The following ADARB1 variants were observed in gnomAD, a reference collection of about 807,000 sequenced individuals.
ADARB1 encodes the protein double-stranded RNA-specific editase 1.
Under a neutral mutation model 52.4 loss-of-function variants are expected in ADARB1, and 10 were observed. The ratio of observed to expected loss-of-function variants is 0.19; its 90% CI spans 0.12 to 0.32. The LOEUF (loss-of-function observed/expected upper bound fraction) is 0.32, where lower values mean the gene tolerates loss of function less well. Among genes scored for constraint, ADARB1 ranks in the 10% least tolerant of loss-of-function variants. The pLI, the probability that ADARB1 is intolerant of heterozygous loss-of-function variation, is 1.00. For missense variants in ADARB1, 643 were observed against 922.3 expected (o/e 0.70, Z 3.92); for synonymous variants, 349 against 371.1 (o/e 0.94, Z 0.68).
intron 1 of ADARB1, among the ~76,000 whole-genome samples, chr21:45,120,028 A>G (rs2088071289): frequency 6.6e-6 from 1 of 152,232 alleles, no homozygotes; most frequent in African/African-American, 2.4e-5. Context: ...CCTTCTTGAT[A>G]CTGAACTAGA....
chr21:45,183,172 T>C (rs193088643), intron 6 of ADARB1, among the ~76,000 whole-genome samples, 190 bp from the exon 7 acceptor site: 2 of 152,228 alleles, frequency 1.3e-5, no homozygotes, highest in Non-Finnish European at 2.9e-5. Context: ...AAGGAAAGGT[T>C]ACTCACATCC....
intron 1 of ADARB1, among the ~76,000 whole-genome samples, chr21:45,109,312 G>C (rs112071551): frequency 3.9e-5 from 6 of 152,222 alleles, no homozygotes; most frequent in African/African-American, 1.4e-4. Context: ...GTGCACGTGT[G>C]TGCGCGCGTG....
Position 45,142,442 on chromosome 21 carries a change from A to G in ADARB1, c.-48+13869A>G, listed in dbSNP as rs2089780854. ...GTTTGAAACCATTCTCATTCAGAAA[A>G]CAGAAATGTGTTTATGTAAAGAAAT... On this transcript the variant is annotated intron_variant, in intron 2 of 10. Transcript: ENST00000348831. This position sits in a 1 kb window ranked among gnomAD's most constrained non-coding sequence, Gnocchi z 4.0. 6.6e-6 allele frequency among the ~76,000 whole-genome samples: 1 copy of G among 152,384 alleles called. No homozygotes were observed. The highest frequency in any genetic ancestry group is 2.4e-5 in the African/African-American group (1 of 41,594).
chr21:45,132,418 G>A (rs2089005320), intron 2 of ADARB1: 1 of 152,200 alleles, frequency 6.6e-6, no homozygotes, highest in Non-Finnish European at 1.5e-5. Flanking sequence ...CTTCTACCCT[G>A]GAACTAGGAA....
At chr21:45,150,575 G>T (rs1438124259) in intron 2 of ADARB1, among the ~76,000 whole-genome samples, 1 of 152,172 alleles carries the variant, frequency 6.6e-6, no homozygotes, top group Non-Finnish European at 1.5e-5. Context: ...ACATCTGTCT[G>T]ATTGCTGACA....
intron 2 of ADARB1, among the ~76,000 whole-genome samples, chr21:45,153,214 C>T (rs1469973308): frequency 6.6e-6 from 1 of 152,274 alleles, no homozygotes; most frequent in East Asian, 1.9e-4. Context: ...TTTAATTCAA[C>T]TTAATGTTTT....
At chr21:45,207,011 A>G (rs1555922483) in intron 9 of ADARB1, among the ~76,000 whole-genome samples, 1 of 152,228 alleles carries the variant, frequency 6.6e-6, no homozygotes. Context: ...CCCCTGCGTC[A>G]GCTCTGCCTC....
At chr21:45,183,619 T>C (rs1219621228) in intron 7 of ADARB1, 109 bp downstream of exon 7, 21 of 1,263,914 alleles carry the variant, frequency 1.7e-5, no homozygotes, top group Middle Eastern at 3.8e-4. Flanking sequence ...TTTTTAGACT[T>C]GGATGTGGAT....
intron 2 of ADARB1, among the ~76,000 whole-genome samples, chr21:45,151,274 T>C (rs1368578472): frequency 6.6e-6 from 1 of 152,194 alleles, no homozygotes; most frequent in Non-Finnish European, 1.5e-5. Flanking sequence ...AAGAATTCAC[T>C]ATGCTTACGC....
At chr21:45,212,805 T>C (rs2092793694) in intron 9 of ADARB1, among the ~76,000 whole-genome samples, 2 of 152,104 alleles carry the variant, frequency 1.3e-5, no homozygotes, top group South Asian at 4.1e-4. Context: ...ATGAGGAAAA[T>C]AACACAAAAG....
At chr21:45,135,285 G>A (rs1051512764) in intron 2 of ADARB1, among the ~76,000 whole-genome samples, 3 of 152,180 alleles carry the variant, frequency 2.0e-5, no homozygotes, top group African/African-American at 4.8e-5. Context: ...AGAGCCCTCC[G>A]CCCTGTTCCT....
chr21:45,152,766 A>G, intron 2 of ADARB1: 1 of 248,658 alleles, frequency 4.0e-6, no homozygotes, highest in Non-Finnish European at 9.0e-6. Context: ...TGCAATACAG[A>G]AGTGTTTTCT....
chr21:45,179,762 G>A (rs966466265), intron 4 of ADARB1, among the ~76,000 whole-genome samples: 14 of 128,542 alleles, frequency 1.1e-4, no homozygotes, highest in Non-Finnish European at 1.9e-4. Context: ...TCTCGGTGGC[G>A]CCTTTGAGGG....
chr21:45,224,442 G>A lies in ADARB1; in HGVS notation c.*2245G>A. 2.0e-6 allele frequency: 2 copies of A among 986,322 alleles called. No individual in the cohort carries two copies. The highest frequency in any genetic ancestry group is 2.4e-6 in the Non-Finnish European group (2 of 830,840). 61.1% of individuals were successfully genotyped at this position (986,322 alleles called of 1,614,324 possible). A position where few individuals can be genotyped will look rare whatever the true frequency, so the allele number is the denominator to read the frequency against. ...ACAGGCACAGGGCACCCTATCCCAA[G>A]CCGTCCAGGCAGGAGGAAGGCAGCC... On this transcript the variant is annotated 3_prime_UTR_variant, in exon 11 of 11. Coordinates refer to ENST00000348831, the MANE Select transcript of ADARB1 (RefSeq NM_001112.4).
intron 2 of ADARB1, among the ~76,000 whole-genome samples, chr21:45,148,553 G>A (rs1403244178): frequency 2.6e-5 from 4 of 152,186 alleles, no homozygotes; most frequent in East Asian, 1.9e-4. Flanking sequence ...GTGACAAGGC[G>A]ACTCTGGCTT....
intron 9 of ADARB1, among the ~76,000 whole-genome samples, chr21:45,217,717 C>T (rs911246707): frequency 2.0e-5 from 3 of 152,136 alleles, no homozygotes; most frequent in Non-Finnish European, 2.9e-5. Context: ...GGCTGGAGGA[C>T]TTCCTTTTAC....
chr21:45,101,726 C>G (rs1283367894), intron 1 of ADARB1, among the ~76,000 whole-genome samples: 1 of 152,106 alleles, frequency 6.6e-6, no homozygotes, highest in East Asian at 1.9e-4. Flanking sequence ...ATACTTAATA[C>G]ACAAGCTTTT....
In ADARB1 at chr21:45,209,138, C is replaced by G. The variant is rs562295185; in HGVS notation, c.1747+4402C>G. On this transcript the variant is annotated intron_variant, in intron 9 of 10. Coordinates refer to ENST00000348831, the MANE Select transcript of ADARB1 (RefSeq NM_001112.4). Reference sequence around the variant, plus strand: ...TGTAAAGATCCAAACTTGGGAAAAGCTGAAATATTGGGCTCATTTTTATTC... The same window carrying G: ...TGTAAAGATCCAAACTTGGGAAAAGGTGAAATATTGGGCTCATTTTTATTC... 5.5e-3 allele frequency among the ~76,000 whole-genome samples: 835 copies of G among 152,286 alleles called. 8 individuals are homozygous for G. The highest frequency in any genetic ancestry group is 0.023 in the East Asian group (117 of 5,186).
intron 1 of ADARB1, among the ~76,000 whole-genome samples, chr21:45,118,882 G>T (rs1342173981): frequency 2.0e-5 from 3 of 152,110 alleles, no homozygotes; most frequent in East Asian, 1.9e-4. Flanking sequence ...CTGCTCTCTC[G>T]CATCAACCTG....
Sources: gnomAD v4.1 joint callset for allele counts (sites outside exome capture counted in the v4.1 genomes callset) on GRCh38, gnomAD v4.1.1 for gene constraint, Gnocchi (gnomAD v3.1) non-coding constraint, MANE v1.5 for transcripts, NCBI Gene and HGNC (gene_info 2026-07-23, HGNC 2026-07-21) for gene names.